Variants in ABI3BP observed in about 807,000 individuals in gnomAD.
ABI3BP encodes the protein target of Nesh-SH3.
A neutral mutation model predicts 268.6 loss-of-function variants in ABI3BP; 216 were observed. That is an observed-to-expected ratio of 0.80 (90% CI 0.72 to 0.90). The LOEUF (loss-of-function observed/expected upper bound fraction) is 0.90. ABI3BP is among the 40% of genes least tolerant of loss of function. The pLI, the probability that ABI3BP is intolerant of heterozygous loss-of-function variation, is 0.00. For synonymous variants in ABI3BP, 730 were observed against 730.0 expected, an observed-to-expected ratio of 1.00 and a Z score of 0.00; for missense variants, 2,090 against 2,182.4, an observed-to-expected ratio of 0.96 and a Z score of 0.84.
At chr3:100,755,653 T>G (rs560128060) in intron 63 of ABI3BP, among the ~76,000 whole-genome samples, 5 of 152,366 alleles carry the variant, frequency 3.3e-5, no homozygotes, top group African/African-American at 1.2e-4. Context: ...TTAGCAATTT[T>G]TATTCATAAA....
At chr3:100,906,920 A>C (rs925096356) in intron 2 of ABI3BP, among the ~76,000 whole-genome samples, 3 of 152,220 alleles carry the variant, frequency 2.0e-5, no homozygotes, top group African/African-American at 7.2e-5. Flanking sequence ...TTCTGCATGC[A>C]AAGTTTCTGC....
chr3:100,855,717 C>A (rs976816058), intron 14 of ABI3BP, among the ~76,000 whole-genome samples: 4 of 152,154 alleles, frequency 2.6e-5, no homozygotes, highest in African/African-American at 4.8e-5. Context: ...TACACAAATA[C>A]CTGGCATACA....
chr3:100,822,660 G>A lies in ABI3BP; in HGVS notation c.2816C>T (p.Ser939Leu), dbSNP rs775937621. 1.2e-5 allele frequency: 19 copies of A among 1,536,404 alleles called. No homozygotes were observed. The East Asian group carries it at 4.4e-4, about 36-fold the overall frequency. Residue 939 changes from serine (S) to leucine (L), a missense_variant, in exon 38 of 68, where the codon TCA becomes TTA. Coordinates refer to ENST00000471714, the MANE Select transcript of ABI3BP (RefSeq NM_001375547.2). ...GAGACGTGGACGACGTGTCCGTTGT[G>A]ATGTTTTGGAAGCTGAAGGAAGAAG... Reference protein sequence around the residue: ...EASTTLASKTSQRTRRPRLRT... With the variant: ...EASTTLASKTLQRTRRPRLRT...
intron 31 of ABI3BP, among the ~76,000 whole-genome samples, chr3:100,830,934 G>A (rs78461122): frequency 0.011 from 1,632 of 152,152 alleles, 37 homozygotes; most frequent in African/African-American, 0.037. Flanking sequence ...TAGAAAATCT[G>A]GCTAGTCATT....
chr3:100,949,983 G>T (rs193030079), intron 1 of ABI3BP, among the ~76,000 whole-genome samples: 1 of 152,216 alleles, frequency 6.6e-6, no homozygotes, highest in African/African-American at 2.4e-5. Context: ...ATTAATCATA[G>T]AACTCTCTCA....
chr3:100,791,623 A>T lies in ABI3BP; in HGVS notation c.4024+1068T>A, dbSNP rs112466781. On this transcript the variant is annotated intron_variant, in intron 55 of 67. Coordinates refer to ENST00000471714, the MANE Select transcript of ABI3BP (RefSeq NM_001375547.2). Reference sequence around the variant, plus strand: ...TAATAGAGATGTGAGAGGGCTGTCAATATGTTATACTTCAGACTTCTGTGT... The same window carrying T: ...TAATAGAGATGTGAGAGGGCTGTCATTATGTTATACTTCAGACTTCTGTGT... Among the ~76,000 whole-genome samples, 545 of 152,014 alleles carry T rather than the reference A, an allele frequency of 3.6e-3. 5 individuals carry two copies. The highest frequency in any genetic ancestry group is 5.3e-3 in the Non-Finnish European group (357 of 67,862).
At chr3:100,918,566 T>G (rs946996118) in intron 2 of ABI3BP, among the ~76,000 whole-genome samples, 5 of 152,050 alleles carry the variant, frequency 3.3e-5, no homozygotes, top group Admixed American at 3.3e-4. Context: ...GGAGAGGGAC[T>G]GAAATGTCTA....
chr3:100,801,430 A>C (rs2097532771), intron 51 of ABI3BP, among the ~76,000 whole-genome samples: 1 of 144,110 alleles, frequency 6.9e-6, no homozygotes, highest in African/African-American at 2.5e-5. Flanking sequence ...CCTGTCAAAA[A>C]AAAAAAAAAA....
intron 19 of ABI3BP, among the ~76,000 whole-genome samples, chr3:100,846,813 A>G (rs1475976444): frequency 2.0e-5 from 3 of 151,958 alleles, no homozygotes; most frequent in Admixed American, 1.3e-4. Context: ...AAGTCTGAGC[A>G]CTAGGGGGAA....
At position 100,885,424 on chromosome 3, in the gene ABI3BP, T is replaced by A. The variant is rs2041518984; in HGVS notation, c.696+112A>T. The A allele has an allele frequency of 5.6e-6, 3 of 532,632 alleles. No individual in the cohort carries two copies. In the South Asian group the frequency reaches 1.7e-4, roughly 30 times the overall value. The allele number at this position is 532,632 out of a possible 1,614,324, so 33.0% of individuals were successfully genotyped here. A position where few individuals can be genotyped will look rare whatever the true frequency, so the allele number is the denominator to read the frequency against. On this transcript the variant is annotated intron_variant, in intron 6 of 67. Coordinates refer to ENST00000471714, the MANE Select transcript of ABI3BP (RefSeq NM_001375547.2). Reference sequence around the variant, plus strand: ...TCCTAAAACTAAGTACTTTCTCCACTGTTTCATAGCTAGTCAGTTAATCTA... The same window carrying A: ...TCCTAAAACTAAGTACTTTCTCCACAGTTTCATAGCTAGTCAGTTAATCTA...
intron 2 of ABI3BP, among the ~76,000 whole-genome samples, chr3:100,917,024 TAATAGG>T (rs2058810151): frequency 6.6e-6 from 1 of 152,216 alleles, no homozygotes; most frequent in Non-Finnish European, 1.5e-5. Context: ...GTTACTTTAC[TAATAGG>T]GTAGAGTCAA....
chr3:100,912,169 A>G, intron 2 of ABI3BP: 1 of 343,188 alleles, frequency 2.9e-6, no homozygotes, highest in Non-Finnish European at 5.3e-6. Flanking sequence ...ACCTGCTCTT[A>G]CCCTTCGTGC....
rs1203326714 is a variant in ABI3BP, at chr3:100,796,411, G to T, written c.3815C>A (p.Pro1272His). 6.3e-7 allele frequency: 1 copy of T among 1,585,362 alleles called. No homozygotes were observed. The highest frequency in any genetic ancestry group is 1.8e-5 in the Admixed American group (1 of 55,972). Residue 1272 changes from proline (P) to histidine (H), a missense_variant and splice_region_variant, in exon 52 of 68, where the codon CCT (proline) becomes CAT (histidine). Pro to His is a moderately conservative substitution (Grantham distance 77). Coordinates refer to ENST00000471714, the MANE Select transcript of ABI3BP (RefSeq NM_001375547.2). Reference sequence around the variant, plus strand: ...GAAGGATGAAATAATTAATTTACCAGGTTCGCTCTGAGAGACCTCAGGGTA... The same window carrying T: ...GAAGGATGAAATAATTAATTTACCATGTTCGCTCTGAGAGACCTCAGGGTA... ...KPYPEVSQSE[P>H]VLQPVTFRFE...
chr3:100,772,082 A>G (rs1323954181), intron 61 of ABI3BP, among the ~76,000 whole-genome samples: 1 of 152,216 alleles, frequency 6.6e-6, no homozygotes, highest in Non-Finnish European at 1.5e-5. Context: ...AAAGAATGCA[A>G]GTGAGAGGCA....
chr3:100,750,459 T>G lies in ABI3BP; in HGVS notation c.*36A>C, dbSNP rs546829550. The G allele has an allele frequency of 1.3e-6, 2 of 1,501,968 alleles. No individual in the cohort carries two copies. Among genetic ancestry groups the G allele is most frequent in the African/African-American group, 2.8e-5 (2 of 72,182 alleles). 93.0% of individuals were successfully genotyped at this position (1,501,968 alleles called of 1,614,324 possible). ...CATAGTATTTTCAATGATTTTTGTT[T>G]GCAATGATGAAACAGAAGGTAACTT... On this transcript the variant is annotated 3_prime_UTR_variant, in exon 68 of 68. Transcript: ENST00000471714.
At chr3:100,883,356 C>T (rs1181086000) in intron 6 of ABI3BP, among the ~76,000 whole-genome samples, 2 of 152,052 alleles carry the variant, frequency 1.3e-5, no homozygotes, top group African/African-American at 4.8e-5. Flanking sequence ...TATGAGCAAA[C>T]TTAAGCTATA....
Position 100,960,212 on chromosome 3 carries a change from G to C in ABI3BP, c.79+33094C>G, listed in dbSNP as rs150423925. 5.9e-5 allele frequency among the ~76,000 whole-genome samples: 9 copies of C among 152,292 alleles called. No homozygotes were observed. The East Asian group carries it at 1.3e-3, about 23-fold the overall frequency. On this transcript the variant is annotated intron_variant, in intron 1 of 67. Transcript: ENST00000471714. ...AAATATCAGAAATGAAAAAATAATA[G>C]AGAAGTAAAGAACAAAGAATGAAGA...
chr3:100,751,625 G>C lies in ABI3BP; in HGVS notation c.5172C>G (p.Cys1724Trp). ...CATCTAAAAATGAATCCACAAACTG[G>C]CAGTGATCTTCTCCATGGCCCCTCT... ...GDQRGHGEDH[C>W]QFVDSFLDGR... Residue 1724 changes from cysteine (C) to tryptophan (W), a missense_variant, in exon 67 of 68, where the codon TGC becomes TGG. Physicochemically the swap from Cys to Trp is radical, Grantham distance 215. Transcript: ENST00000471714. 6.2e-7 allele frequency: 1 copy of C among 1,603,366 alleles called. No homozygotes were observed. Among genetic ancestry groups the C allele is most frequent in the Non-Finnish European group, 8.5e-7 (1 of 1,174,248 alleles).
At chr3:100,869,764 A>G (rs1430167865) in intron 9 of ABI3BP, among the ~76,000 whole-genome samples, 1 of 152,200 alleles carries the variant, frequency 6.6e-6, no homozygotes, top group Non-Finnish European at 1.5e-5. Flanking sequence ...CACCCACACT[A>G]TCTATGCACA....
Sources: gnomAD v4.1 joint callset for allele counts (sites outside exome capture counted in the v4.1 genomes callset) on GRCh38, gnomAD v4.1.1 for gene constraint, MANE v1.5 for transcripts, NCBI Gene and HGNC (gene_info 2026-07-23, HGNC 2026-07-21) for gene names.